Variants in NLRP1 observed in about 807,000 individuals in gnomAD.
NLRP1 encodes NLR family pyrin domain containing 1, also known as NACHT, LRR and PYD domains-containing protein 1.
NLRP1 carries 94 observed loss-of-function variants against 136.7 expected under a neutral mutation model. The observed-to-expected ratio is 0.69, with a 90% CI of 0.58 to 0.82. NLRP1 has a LOEUF of 0.82. Ranked by LOEUF, NLRP1 falls within the 40% of genes least tolerant of loss-of-function variation. The pLI is 0.00. For synonymous variants in NLRP1, 690 were observed against 725.1 expected, an observed-to-expected ratio of 0.95 and a Z score of 0.78; for missense variants, 1,575 against 1,802.7, an observed-to-expected ratio of 0.87 and a Z score of 2.29.
chr17:5,534,415 A>G (rs1910753844), intron 8 of NLRP1, among the ~76,000 whole-genome samples: 1 of 152,034 alleles, frequency 6.6e-6, no homozygotes, highest in South Asian at 2.1e-4. Context: ...TTTGAACTCA[A>G]TCCTGTGGTT....
rs762231366 is a variant in NLRP1, at chr17:5,582,808, G to A, written c.310C>T (p.His104Tyr). The A allele has an allele frequency of 3.7e-6, 6 of 1,613,800 alleles. No homozygotes were observed. The highest frequency in any genetic ancestry group is 5.1e-6 in the Non-Finnish European group (6 of 1,179,812). Reference protein sequence around the residue: ...PSFPYSPSEPHLGSPSQPTST... With the variant: ...PSFPYSPSEPYLGSPSQPTST... ...GTGGGTTGGCTGGGAGACCCCAGGT[G>A]GGGTTCACTTGGGCTGTAGGGGAAT... Residue 104 changes from histidine (H) to tyrosine (Y), a missense_variant, in exon 2 of 17, where the codon CAC becomes TAC. By Grantham distance (83) the His-to-Tyr change is moderately conservative. Transcript: ENST00000572272.
At chr17:5,558,042 C>T (rs989462681) in intron 4 of NLRP1, among the ~76,000 whole-genome samples, 1 of 151,948 alleles carries the variant, frequency 6.6e-6, no homozygotes, top group Non-Finnish European at 1.5e-5. Flanking sequence ...GGTGGGAGCA[C>T]GTCCAGGAGA....
chr17:5,573,986 G>T (rs1234377685), intron 3 of NLRP1, among the ~76,000 whole-genome samples: 5 of 152,316 alleles, frequency 3.3e-5, no homozygotes, highest in African/African-American at 9.6e-5. Context: ...AGAGAAGAAG[G>T]CTTCAGAAGA....
chr17:5,559,430 C>G lies in NLRP1; in HGVS notation c.1266G>C (p.Pro422=), dbSNP rs766952690. 5 of 1,613,772 alleles carry G rather than the reference C, an allele frequency of 3.1e-6. No homozygotes were observed. Among genetic ancestry groups the G allele is most frequent in the Admixed American group, 1.7e-5 (1 of 59,996 alleles). ...VDEPGWVLQE[P]SSELCLHWSQ... ...TCCAGTGCAGACAGAGCTCAGAACT[C>G]GGCTCCTGCAAGACCCATCCTGGCT... Residue 422 remains proline (P), a synonymous_variant, in exon 4 of 17, where the codon CCG becomes CCC. Coordinates refer to ENST00000572272, the MANE Select transcript of NLRP1 (RefSeq NM_033004.4).
Position 5,514,487 on chromosome 17 carries a change from C to T in NLRP1, c.*267G>A, listed in dbSNP as rs921796453. On this transcript the variant is annotated 3_prime_UTR_variant, in exon 17 of 17. Transcript: ENST00000572272. Reference sequence around the variant, plus strand: ...GGGCTCTAGGCTTGGCTGCTGTGGCCACCAGATGAGGCTCTATGAGGTCTG... The same window carrying T: ...GGGCTCTAGGCTTGGCTGCTGTGGCTACCAGATGAGGCTCTATGAGGTCTG... 2.3e-6 allele frequency: 3 copies of T among 1,327,082 alleles called. No individual in the cohort carries two copies. The African/African-American group carries it at 4.4e-5, about 20-fold the overall frequency. The allele number at this position is 1,327,082 out of a possible 1,614,324, so 82.2% of individuals were successfully genotyped here.
chr17:5,572,571 G>T (rs573866347), intron 3 of NLRP1, among the ~76,000 whole-genome samples: 6 of 152,112 alleles, frequency 3.9e-5, no homozygotes, highest in Non-Finnish European at 8.8e-5. Flanking sequence ...TTAGCTGGGC[G>T]TAGTGGTGCA....
chr17:5,539,767 C>T, intron 6 of NLRP1, 182 bp from the exon 7 acceptor site: 19 of 683,420 alleles, frequency 2.8e-5, no homozygotes, highest in Non-Finnish European at 3.2e-5. Context: ...CCTCTTGCAG[C>T]CACGGAACCC....
intron 3 of NLRP1, among the ~76,000 whole-genome samples, chr17:5,570,349 G>A (rs1034528395): frequency 1.3e-5 from 2 of 149,416 alleles, no homozygotes; most frequent in Non-Finnish European, 3.0e-5. Context: ...AAATAAGATC[G>A]ATAGACCACT....
intron 12 of NLRP1, among the ~76,000 whole-genome samples, chr17:5,527,305 C>T (rs1909678400): frequency 6.6e-6 from 1 of 152,232 alleles, no homozygotes; most frequent in South Asian, 2.1e-4. Flanking sequence ...TTTACGAATT[C>T]ACGTTGGGCT....
Position 5,536,900 on chromosome 17 carries a change from G to A in NLRP1, c.2911C>T (p.Leu971=), listed in dbSNP as rs1419111482. The A allele has an allele frequency of 3.1e-6, 5 of 1,613,714 alleles. No homozygotes were observed. In the Admixed American group the frequency reaches 8.3e-5, roughly 27 times the overall value. The part of the protein sequence containing the change: ...TTLSDEMRQE[L]RALEQEKPQL... Reference sequence around the variant, plus strand: ...GGTTTCTCCTGCTCCAGGGCCCTCAGTTCCTGCCTCATCTCATCACTCAGA... The same window carrying A: ...GGTTTCTCCTGCTCCAGGGCCCTCAATTCCTGCCTCATCTCATCACTCAGA... The change falls in exon 8 of 17, where the codon CTG becomes TTG. Residue 971 remains leucine, a synonymous_variant. Coordinates refer to ENST00000572272, the MANE Select transcript of NLRP1 (RefSeq NM_033004.4).
chr17:5,518,838 ATT>A (rs35197506), intron 14 of NLRP1, among the ~76,000 whole-genome samples: 2,245 of 129,128 alleles, frequency 0.017, 53 homozygotes, highest in African/African-American at 0.057. Flanking sequence ...CCACAACAGC[ATT>A]TTTTTTTTTT....
chr17:5,548,627 C>T (rs1912961573), intron 5 of NLRP1, among the ~76,000 whole-genome samples: 1 of 152,206 alleles, frequency 6.6e-6, no homozygotes, highest in South Asian at 2.1e-4. Flanking sequence ...TTACCTCCTT[C>T]TCCCTCTTTA....
At chr17:5,544,369 G>T (rs761212394) in intron 5 of NLRP1, among the ~76,000 whole-genome samples, 1 of 152,208 alleles carries the variant, frequency 6.6e-6, no homozygotes, top group Non-Finnish European at 1.5e-5. Flanking sequence ...GATACCTAAT[G>T]CATCCTGGCA....
At chr17:5,564,181 T>C (rs1409381157) in intron 3 of NLRP1, among the ~76,000 whole-genome samples, 3 of 152,206 alleles carry the variant, frequency 2.0e-5, no homozygotes, top group Non-Finnish European at 1.5e-5. Context: ...TCCTCAAACA[T>C]TTAACCTTTG....
intron 4 of NLRP1, among the ~76,000 whole-genome samples, chr17:5,557,390 A>C (rs1914214501): frequency 6.6e-6 from 1 of 152,130 alleles, no homozygotes. Flanking sequence ...GGCCCACATC[A>C]AACATTTCTT....
intron 13 of NLRP1, 75 bp downstream of exon 13, chr17:5,521,449 T>C: frequency 6.6e-7 from 1 of 1,510,422 alleles, no homozygotes; most frequent in Non-Finnish European, 9.0e-7. Flanking sequence ...GAAGACCCTC[T>C]AGGGGGCTCT....
At chr17:5,519,296 C>A (rs1908574266) in intron 14 of NLRP1, among the ~76,000 whole-genome samples, 1 of 151,920 alleles carries the variant, frequency 6.6e-6, no homozygotes. Context: ...GCCACCACAC[C>A]CGGCCCTCCC....
Position 5,558,444 on chromosome 17 carries a change from A to C in NLRP1, c.2252T>G (p.Leu751Arg), listed in dbSNP as rs779256831. The C allele has an allele frequency of 1.2e-6, 2 of 1,613,482 alleles. No homozygotes were observed. Among genetic ancestry groups the C allele is most frequent in the South Asian group, 2.2e-5 (2 of 91,034 alleles). The change falls in exon 4 of 17, where the codon CTC becomes CGC. Residue 751 changes from leucine to arginine, a missense_variant. Transcript: ENST00000572272. ...MGMCVETDME[L>R]LVCTFCIKFS... ...TTTAATGCAGAAAGTGCACACTAAGAGCTCCATGTCTGTTTCTACACACAT... is the reference window on the plus strand; with the variant it reads ...TTTAATGCAGAAAGTGCACACTAAGCGCTCCATGTCTGTTTCTACACACAT...
At chr17:5,539,155 G>A (rs1368482736) in intron 7 of NLRP1, among the ~76,000 whole-genome samples, 2 of 152,198 alleles carry the variant, frequency 1.3e-5, no homozygotes, top group Non-Finnish European at 2.9e-5. Flanking sequence ...ACAGGCGTGA[G>A]CCACCACGCC....
Sources: allele counts gnomAD v4.1 joint callset (sites outside exome capture counted in the v4.1 genomes callset), GRCh38; gene constraint gnomAD v4.1.1; transcripts MANE v1.5; gene names NCBI Gene and HGNC (gene_info 2026-07-23, HGNC 2026-07-21).